RARB: variants seen among roughly 807,000 people sequenced by gnomAD.
RARB encodes the protein retinoic acid receptor beta, also known as HBV-activated protein.
A neutral mutation model predicts 51.9 loss-of-function variants in RARB; 17 were observed. The observed-to-expected ratio is 0.33, with a 90% CI of 0.22 to 0.49. The LOEUF is 0.49. Ranked by LOEUF, RARB falls within the 20% of genes least tolerant of loss-of-function variation. The pLI, the probability that RARB is intolerant of heterozygous loss-of-function variation, is 0.99. For synonymous variants in RARB, 215 were observed against 195.4 expected (o/e 1.10, Z -0.84); for missense variants, 369 against 550.8 (o/e 0.67, Z 3.30).
intron 5 of RARB, among the ~76,000 whole-genome samples, chr3:25,298,994 A>G (rs147476426): frequency 5.6e-4 from 86 of 152,350 alleles, no homozygotes; most frequent in African/African-American, 2.0e-3. Context: ...CACTGTTCAC[A>G]TCACAGATAT....
chr3:25,491,724 C>T (rs1366032801), intron 2 of RARB, among the ~76,000 whole-genome samples: 2 of 152,080 alleles, frequency 1.3e-5, no homozygotes, highest in East Asian at 1.9e-4. Context: ...GCAAATCGTT[C>T]GAGGCCAGGA....
chr3:25,234,977 G>A (rs1045141701), intron 5 of RARB, among the ~76,000 whole-genome samples: 1 of 152,016 alleles, frequency 6.6e-6, no homozygotes, highest in African/African-American at 2.4e-5. Context: ...AAAAAAGGAG[G>A]GAGAAATAAA....
chr3:24,939,034 G>T (rs1033050806), intron 2 of RARB, among the ~76,000 whole-genome samples: 1 of 151,398 alleles, frequency 6.6e-6, no homozygotes, highest in African/African-American at 2.4e-5. Context: ...CCAAGCTAGA[G>T]TGCATTGACG....
intron 1 of RARB, among the ~76,000 whole-genome samples, chr3:25,440,332 G>C (rs1469547979): frequency 6.6e-6 from 1 of 151,942 alleles, no homozygotes; most frequent in Non-Finnish European, 1.5e-5. Flanking sequence ...TGTAGTCCTA[G>C]CTACTCGGGA....
At chr3:25,013,758 C>T (rs186717974) in intron 2 of RARB, among the ~76,000 whole-genome samples, 206 of 152,184 alleles carry the variant, frequency 1.4e-3, no homozygotes, top group African/African-American at 4.8e-3. Flanking sequence ...AAAGGTCTCC[C>T]ACACCGGGCT....
At chr3:25,235,771 C>A (rs1227543338) in intron 5 of RARB, among the ~76,000 whole-genome samples, 1 of 152,106 alleles carries the variant, frequency 6.6e-6, no homozygotes, top group Admixed American at 6.6e-5. Flanking sequence ...CTATAAAACC[C>A]CTTCTTTGAC....
At chr3:25,512,025 G>A (rs1697919932) in intron 3 of RARB, among the ~76,000 whole-genome samples, 1 of 152,172 alleles carries the variant, frequency 6.6e-6, no homozygotes, top group African/African-American at 2.4e-5. Context: ...ATCTTGGGCA[G>A]GTCACTTAAC....
intron 2 of RARB, among the ~76,000 whole-genome samples, chr3:24,915,960 A>G (rs1217237813): frequency 2.0e-5 from 3 of 152,164 alleles, no homozygotes; most frequent in African/African-American, 7.2e-5. Flanking sequence ...TCAGGGAGAG[A>G]GAGGCACCTA....
chr3:25,078,330 A>C (rs1698916993), intron 3 of RARB, among the ~76,000 whole-genome samples: 1 of 152,124 alleles, frequency 6.6e-6, no homozygotes, highest in Non-Finnish European at 1.5e-5. Flanking sequence ...TTCGTTATTA[A>C]TACTCAGTTT....
At position 25,596,668 on chromosome 3, in the gene RARB, T is replaced by TA. The variant is rs1559485549; in HGVS notation, c.*56dup. On this transcript the variant is annotated 3_prime_UTR_variant, in exon 8 of 8. Transcript: ENST00000330688. ...CCCCAGTACCTTCAGTTCCAGGATT[T>TA]AAAATGCAAGAAAAAACATTTTTAC... 7.0e-7 allele frequency: 1 copy of TA among 1,435,676 alleles called. No homozygotes were observed. The highest frequency in any genetic ancestry group is 1.3e-5 in the South Asian group (1 of 74,626). 88.9% of individuals were successfully genotyped at this position (1,435,676 alleles called of 1,614,324 possible).
At chr3:25,333,995 T>C (rs1161653867) in intron 5 of RARB, among the ~76,000 whole-genome samples, 1 of 152,138 alleles carries the variant, frequency 6.6e-6, no homozygotes, top group Non-Finnish European at 1.5e-5. Context: ...CTCACACCAG[T>C]TAGAATGGCA....
Position 25,051,515 on chromosome 3 carries a change from G to A in RARB, c.-379-8610G>A, listed in dbSNP as rs371092433. ...ATAAGATTATTTGCAAAGATCAAGC[G>A]GTATATCTTTGAATTAGTAAAGGAA... On this transcript the variant is annotated intron_variant, in intron 2 of 11. Transcript: ENST00000383772. Among the ~76,000 whole-genome samples the A allele has an allele frequency of 2.0e-4, 31 of 151,970 alleles. No individual in the cohort carries two copies. The East Asian group carries it at 5.0e-3, about 25-fold the overall frequency.
intron 2 of RARB, among the ~76,000 whole-genome samples, chr3:24,889,843 T>C (rs1340983261): frequency 1.3e-5 from 2 of 151,612 alleles, no homozygotes; most frequent in Non-Finnish European, 2.9e-5. Context: ...TTCATATTTA[T>C]TAAGAGCTGT....
At chr3:25,126,580 G>A (rs1402829008) in intron 3 of RARB, among the ~76,000 whole-genome samples, 4 of 152,068 alleles carry the variant, frequency 2.6e-5, no homozygotes, top group Non-Finnish European at 4.4e-5. Context: ...CATGAACAAA[G>A]CAGATTCTGA....
chr3:25,595,724 CATTTT>C (rs1283437713), intron 7 of RARB, among the ~76,000 whole-genome samples: 12 of 152,114 alleles, frequency 7.9e-5, no homozygotes, highest in Admixed American at 1.3e-4. Flanking sequence ...CTGTTTTTCT[CATTTT>C]ATTTAACAAA....
At chr3:25,555,555 T>A (rs952073475) in intron 3 of RARB, 3 of 152,188 alleles carry the variant, frequency 2.0e-5, no homozygotes, top group African/African-American at 7.2e-5. Flanking sequence ...CTGTCAGGAT[T>A]AAGTTTTAGT....
intron 3 of RARB, among the ~76,000 whole-genome samples, chr3:25,089,179 T>C (rs1013997314): frequency 1.3e-5 from 2 of 152,050 alleles, no homozygotes; most frequent in African/African-American, 4.8e-5. Flanking sequence ...GAACAGACTT[T>C]ATAATTTATT....
intron 3 of RARB, among the ~76,000 whole-genome samples, chr3:25,560,072 A>G (rs1052101572): frequency 1.3e-5 from 2 of 152,240 alleles, no homozygotes; most frequent in South Asian, 2.1e-4. Context: ...GGGCTAGCAT[A>G]TATCTCATAC....
At chr3:25,060,670 T>A (rs990468609) in intron 3 of RARB, among the ~76,000 whole-genome samples, 36 of 151,786 alleles carry the variant, frequency 2.4e-4, no homozygotes, top group Non-Finnish European at 7.4e-5. Flanking sequence ...TCAAGTTGAT[T>A]TAGAAAACAA....
Sources: allele counts gnomAD v4.1 joint callset (sites outside exome capture counted in the v4.1 genomes callset), GRCh38; gene constraint gnomAD v4.1.1; transcripts MANE v1.5; gene names NCBI Gene and HGNC (gene_info 2026-07-23, HGNC 2026-07-21).